Variants in TRPM3 observed in about 807,000 individuals in gnomAD.
TRPM3 encodes the protein long transient receptor potential channel 3.
A neutral mutation model predicts 181.2 loss-of-function variants in TRPM3; 77 were observed. The ratio of observed to expected loss-of-function variants is 0.42; its 90% CI spans 0.35 to 0.51. The LOEUF (loss-of-function observed/expected upper bound fraction) is 0.51. Ranked by LOEUF, TRPM3 falls within the 20% of genes least tolerant of loss-of-function variation. The probability of loss-of-function intolerance (pLI) is 0.01; values close to 1 mark genes in which losing one functional copy is unlikely to be tolerated. For missense variants in TRPM3, 1,759 were observed against 2,196.7 expected, an observed-to-expected ratio of 0.80 and a Z score of 3.98; for synonymous variants, 745 against 796.4, an observed-to-expected ratio of 0.94 and a Z score of 1.09.
chr9:71,229,760 T>C (rs976986025), intron 1 of TRPM3, among the ~76,000 whole-genome samples: 3 of 151,990 alleles, frequency 2.0e-5, no homozygotes, highest in Non-Finnish European at 4.4e-5. Flanking sequence ...TTAAAATGGC[T>C]TATATCCAAA....
At chr9:70,656,205 A>G (rs886923977) in intron 9 of TRPM3, among the ~76,000 whole-genome samples, 19 of 152,212 alleles carry the variant, frequency 1.2e-4, no homozygotes, top group Admixed American at 9.8e-4. Context: ...AATTCCTGCC[A>G]AGTACTATAA....
At chr9:71,415,966 G>A (rs143941623) in intron 1 of TRPM3, among the ~76,000 whole-genome samples, 87 of 151,300 alleles carry the variant, frequency 5.8e-4, no homozygotes, top group Middle Eastern at 3.4e-3. Flanking sequence ...TGCCTGAGGC[G>A]TTGAGAAAAC....
At chr9:70,573,328 C>T (rs2052962042) in intron 22 of TRPM3, among the ~76,000 whole-genome samples, 1 of 152,190 alleles carries the variant, frequency 6.6e-6, no homozygotes, top group South Asian at 2.1e-4. Flanking sequence ...CCTTGATTTT[C>T]ATGGTGGTTT....
At chr9:71,092,975 G>C (rs1171657452) in intron 1 of TRPM3, among the ~76,000 whole-genome samples, 1 of 152,074 alleles carries the variant, frequency 6.6e-6, no homozygotes, top group Non-Finnish European at 1.5e-5. Flanking sequence ...CAACAAACCT[G>C]ACATGAGGAA....
intron 9 of TRPM3, among the ~76,000 whole-genome samples, chr9:70,672,705 CT>C (rs561823457): frequency 4.0e-5 from 6 of 151,356 alleles, no homozygotes; most frequent in East Asian, 3.9e-4. Flanking sequence ...TATTGGTTTT[CT>C]TTTTTTTTCC....
intron 1 of TRPM3, among the ~76,000 whole-genome samples, chr9:71,001,443 C>T (rs1409502096): frequency 6.6e-6 from 1 of 152,138 alleles, no homozygotes; most frequent in Non-Finnish European, 1.5e-5. Context: ...AACAGTGAAC[C>T]TGATAGTTCT....
intron 1 of TRPM3, among the ~76,000 whole-genome samples, chr9:71,403,497 A>G (rs758181657): frequency 1.3e-5 from 2 of 152,196 alleles, no homozygotes; most frequent in Non-Finnish European, 2.9e-5. Flanking sequence ...AGGTCATTTT[A>G]AAAAGATAAT....
chr9:70,541,465 A>G (rs1229874429), intron 25 of TRPM3, among the ~76,000 whole-genome samples: 1 of 151,934 alleles, frequency 6.6e-6, no homozygotes. Context: ...TCCTAGAGTC[A>G]AGGTTACCTG....
intron 1 of TRPM3, among the ~76,000 whole-genome samples, chr9:71,340,942 T>C (rs1301274707): frequency 6.6e-6 from 1 of 151,840 alleles, no homozygotes; most frequent in Non-Finnish European, 1.5e-5. Context: ...ACAACAACCA[T>C]CACCACCACC....
intron 1 of TRPM3, among the ~76,000 whole-genome samples, chr9:71,363,056 C>G (rs906496026): frequency 7.9e-5 from 12 of 152,138 alleles, no homozygotes; most frequent in African/African-American, 2.9e-4. Context: ...GTTGAGAAAA[C>G]AGAAATGTTA....
At chr9:70,768,561 C>A (rs564883426) in intron 7 of TRPM3, among the ~76,000 whole-genome samples, 4 of 152,058 alleles carry the variant, frequency 2.6e-5, no homozygotes, top group Non-Finnish European at 5.9e-5. Flanking sequence ...ACAGCAGCAC[C>A]TGTTGATGTT....
At chr9:71,072,978 T>C (rs993652939) in intron 1 of TRPM3, among the ~76,000 whole-genome samples, 2 of 152,212 alleles carry the variant, frequency 1.3e-5, no homozygotes, top group Non-Finnish European at 2.9e-5. Flanking sequence ...TCGAGGTGGC[T>C]GCCTTTGCTC....
intron 1 of TRPM3, among the ~76,000 whole-genome samples, chr9:71,066,073 C>A (rs1228591264): frequency 1.3e-5 from 2 of 152,086 alleles, no homozygotes; most frequent in Admixed American, 6.6e-5. Context: ...CCCCTAGTCA[C>A]CCAGATTGCT....
intron 7 of TRPM3, among the ~76,000 whole-genome samples, chr9:70,779,502 G>A (rs1327396240): frequency 6.6e-6 from 1 of 152,144 alleles, no homozygotes; most frequent in Non-Finnish European, 1.5e-5. Context: ...CTTGCTCACT[G>A]ATTGACAAGT....
chr9:71,039,995 C>T (rs2058647827), intron 1 of TRPM3, among the ~76,000 whole-genome samples: 1 of 151,992 alleles, frequency 6.6e-6, no homozygotes, highest in Admixed American at 6.6e-5. Flanking sequence ...TAAACTGTTT[C>T]CTTGTTCAAT....
At chr9:71,030,775 T>C (rs2057196466) in intron 1 of TRPM3, among the ~76,000 whole-genome samples, 1 of 152,176 alleles carries the variant, frequency 6.6e-6, no homozygotes, top group African/African-American at 2.4e-5. Flanking sequence ...CACTTAGGAT[T>C]TAGTCAATGA....
chr9:71,184,028 G>A (rs1408638255), intron 1 of TRPM3, among the ~76,000 whole-genome samples: 1 of 152,054 alleles, frequency 6.6e-6, no homozygotes, highest in Admixed American at 6.6e-5. Context: ...TCACACCCTT[G>A]CCAGGAAATA....
intron 15 of TRPM3, 105 bp from the exon 16 acceptor site, chr9:70,620,470 G>A (rs2063460884): frequency 3.9e-6 from 5 of 1,274,598 alleles, no homozygotes; most frequent in Non-Finnish European, 5.5e-6. Flanking sequence ...GATCAATACT[G>A]AAATGAACGA....
chr9:71,206,425 C>G (rs543622224), intron 1 of TRPM3, among the ~76,000 whole-genome samples: 1 of 152,018 alleles, frequency 6.6e-6, no homozygotes, highest in African/African-American at 2.4e-5. Context: ...ATCCTTCACC[C>G]ACTTTTTGAT....
Sources: gnomAD v4.1 joint callset for allele counts (sites outside exome capture counted in the v4.1 genomes callset) on GRCh38, gnomAD v4.1.1 for gene constraint, MANE v1.5 for transcripts, NCBI Gene and HGNC (gene_info 2026-07-23, HGNC 2026-07-21) for gene names.